Variants in GSTO2 observed in about 807,000 individuals in gnomAD.
GSTO2 encodes glutathione S-transferase omega-2.
Under a neutral mutation model 28.4 loss-of-function variants are expected in GSTO2, and 23 were observed. The ratio of observed to expected loss-of-function variants is 0.81; its 90% CI spans 0.58 to 1.15. GSTO2 has a LOEUF of 1.15. Among genes scored for constraint, GSTO2 ranks in the 50% most tolerant of loss-of-function variants. The pLI, the probability that GSTO2 is intolerant of heterozygous loss-of-function variation, is 0.00. For synonymous variants in GSTO2, 109 were observed against 111.0 expected (o/e 0.98, Z 0.11); for missense variants, 298 against 297.8 (o/e 1.00, Z 0.00).
chr10:104,281,116 C>A (rs2135107794), intron 5 of GSTO2, among the ~76,000 whole-genome samples: 3 of 152,284 alleles, frequency 2.0e-5, no homozygotes, highest in Middle Eastern at 6.8e-3. Flanking sequence ...AATGTGTGTT[C>A]CTCAGAGCCT....
intron 5 of GSTO2, among the ~76,000 whole-genome samples, chr10:104,281,464 C>T (rs1221741079): frequency 6.6e-6 from 1 of 152,102 alleles, no homozygotes; most frequent in Non-Finnish European, 1.5e-5. Context: ...ATCAGTTTCC[C>T]TTCTACCTCC....
In GSTO2 at chr10:104,279,427, A is replaced by G. The variant is rs156697; in HGVS notation, c.424A>G (p.Asn142Asp). 574,153 of 1,612,916 alleles carry G rather than the reference A, an allele frequency of 0.36. 109,695 individuals are homozygous for G. Among genetic ancestry groups the G allele is most frequent in the African/African-American group, 0.75 (56,034 of 74,920 alleles). Residue 142 changes from asparagine (N) to aspartate (D), a missense_variant, in exon 5 of 7, where the codon AAT becomes GAT. Transcript: ENST00000338595. ...GTTGAGATGTGGGAGAGAATGCACT[A>G]ATCTGAAGGCAGCCCTGCGTCAGGA... ...VALRCGRECTNLKAALRQEFS... is the reference protein window; with the variant it reads ...VALRCGRECTDLKAALRQEFS...
At chr10:104,290,991 A>G (rs2012739326) in intron 5 of GSTO2, among the ~76,000 whole-genome samples, 1 of 152,194 alleles carries the variant, frequency 6.6e-6, no homozygotes, top group South Asian at 2.1e-4. Flanking sequence ...CTGGACCAAA[A>G]TATGTACCCC....
chr10:104,292,198 T>C (rs1276941620), intron 5 of GSTO2, among the ~76,000 whole-genome samples: 1 of 150,472 alleles, frequency 6.6e-6, no homozygotes, highest in Non-Finnish European at 1.5e-5. Flanking sequence ...GAATGGCCAA[T>C]ATCTTTTTTT....
rs763192301 is a variant in GSTO2 at position 104,277,928 on chromosome 10, C to T, written c.178C>T (p.Pro60Ser). ...GGTCAACATTAACCTGAGAAACAAG[C>T]CTGAATGGTACTATACAAAGCACCC... ...EVVNINLRNK[P>S]EWYYTKHPFG... is the part of the protein sequence containing the mutation. The change falls in exon 4 of 7, where the codon CCT becomes TCT. Residue 60 changes from proline (P) to serine (S), a missense_variant. Coordinates refer to ENST00000338595, the MANE Select transcript of GSTO2 (RefSeq NM_183239.2). 14 of 1,613,952 alleles carry T rather than the reference C, an allele frequency of 8.7e-6. No homozygotes were observed. The highest frequency in any genetic ancestry group is 1.6e-4 in the Middle Eastern group (1 of 6,062).
chr10:104,278,894 T>C (rs1443989340), intron 4 of GSTO2, among the ~76,000 whole-genome samples: 1 of 152,238 alleles, frequency 6.6e-6, no homozygotes, highest in South Asian at 2.1e-4. Context: ...TTTAAGATGG[T>C]GTCTTTGAAA....
intron 5 of GSTO2, 90 bp downstream of exon 5, chr10:104,279,561 G>A (rs2011887480): frequency 2.5e-6 from 2 of 792,000 alleles, no homozygotes; most frequent in Non-Finnish European, 4.3e-6. Context: ...AGCTTTCACA[G>A]GCTTATTCTT....
chr10:104,289,243 C>T (rs568857103), intron 5 of GSTO2, among the ~76,000 whole-genome samples: 1 of 152,196 alleles, frequency 6.6e-6, no homozygotes, highest in Non-Finnish European at 1.5e-5. Context: ...GGACTACAGG[C>T]ACCACTATGC....
At position 104,279,371 on chromosome 10, in the gene GSTO2, T is replaced by G. The variant is rs756075077; in HGVS notation, c.368T>G (p.Val123Gly). 6.2e-7 allele frequency: 1 copy of G among 1,612,406 alleles called. No individual in the cohort carries two copies. Among genetic ancestry groups the G allele is most frequent in the South Asian group, 1.1e-5 (1 of 91,030 alleles). ...QKMLLELFCK[V>G]PHLTKECLVA... ...TGAGAACCTGTGTCCTCTGATTAGGTCCCACATTTGACCAAGGAGTGCCTG... is the reference window on the plus strand; with the variant it reads ...TGAGAACCTGTGTCCTCTGATTAGGGCCCACATTTGACCAAGGAGTGCCTG... The change falls in exon 5 of 7, where the codon GTC (valine) becomes GGC (glycine). Residue 123 changes from valine (V) to glycine (G), a missense_variant and splice_region_variant. Val to Gly is a moderately radical substitution (Grantham distance 109, BLOSUM62 -3). Transcript: ENST00000338595.
intron 5 of GSTO2, among the ~76,000 whole-genome samples, chr10:104,283,098 CAA>C (rs766815247): frequency 1.4e-4 from 22 of 152,232 alleles, no homozygotes; most frequent in Non-Finnish European, 2.4e-4. Context: ...TTTCTAAACT[CAA>C]GAGCTGGCAA....
rs1157713711 is a variant in GSTO2 at position 104,301,870 on chromosome 10, T to G, written c.*2586T>G. The G allele has an allele frequency of 6.6e-6, 1 of 152,200 alleles. No homozygotes were observed. The highest frequency in any genetic ancestry group is 1.5e-5 in the Non-Finnish European group (1 of 68,056). 9.4% of individuals were successfully genotyped at this position (152,200 alleles called of 1,614,324 possible). A position where few individuals can be genotyped will look rare whatever the true frequency, so the allele number is the denominator to read the frequency against. ...CTGGGATTATAGGTCTGAGTCATCA[T>G]GCCTGGTGGGTGTCTATCTTATAAA... On this transcript the variant is annotated 3_prime_UTR_variant, in exon 7 of 7. Transcript: ENST00000338595.
In GSTO2 at chr10:104,299,400, A is replaced by C. The variant is rs1377821240; in HGVS notation, c.*116A>C. On this transcript the variant is annotated 3_prime_UTR_variant, in exon 7 of 7. Transcript: ENST00000338595. ...TTCTTTTCTTTGAAGTTCCCAATAA[A>C]ATGAAAACAGGAAATGTATTCTTCT... 2.5e-6 allele frequency: 3 copies of C among 1,185,472 alleles called. No individual in the cohort carries two copies. The African/African-American group carries it at 4.6e-5, about 18-fold the overall frequency. 73.4% of individuals were successfully genotyped at this position (1,185,472 alleles called of 1,614,324 possible).
rs925299922 is a variant in GSTO2 at position 104,301,452 on chromosome 10, GC to G, written c.*2169del. On this transcript the variant is annotated 3_prime_UTR_variant, in exon 7 of 7. Coordinates refer to ENST00000338595, the MANE Select transcript of GSTO2 (RefSeq NM_183239.2). ...CTGTTTACCAGGGTCCTGGTCACCTGCACATCCTTACACTTCCTCCATCTCG... is the reference window on the plus strand; with the variant it reads ...CTGTTTACCAGGGTCCTGGTCACCTGACATCCTTACACTTCCTCCATCTCG... 1.3e-5 allele frequency: 2 copies of G among 152,172 alleles called. No homozygotes were observed. The highest frequency in any genetic ancestry group is 2.9e-5 in the Non-Finnish European group (2 of 68,030). 9.4% of individuals were successfully genotyped at this position (152,172 alleles called of 1,614,324 possible).
intron 5 of GSTO2, among the ~76,000 whole-genome samples, chr10:104,283,550 C>T (rs2012215368): frequency 6.6e-6 from 1 of 152,126 alleles, no homozygotes; most frequent in South Asian, 2.1e-4. Context: ...CTTTTGAACC[C>T]AGGAGTTTGA....
intron 4 of GSTO2, among the ~76,000 whole-genome samples, chr10:104,279,129 A>C (rs2011845030): frequency 6.6e-6 from 1 of 152,164 alleles, no homozygotes; most frequent in Admixed American, 6.5e-5. Flanking sequence ...CTGATCAAGT[A>C]AGGAGCACTG....
chr10:104,289,774 C>T (rs1564850587), intron 5 of GSTO2, among the ~76,000 whole-genome samples: 1 of 152,150 alleles, frequency 6.6e-6, no homozygotes, highest in Non-Finnish European at 1.5e-5. Flanking sequence ...CTCCAAAAGA[C>T]TTGAATAGAC....
chr10:104,275,987 A>G (rs2011616458), intron 3 of GSTO2, among the ~76,000 whole-genome samples: 1 of 152,212 alleles, frequency 6.6e-6, no homozygotes, highest in South Asian at 2.1e-4. Context: ...TGCTTCCAAA[A>G]GGAAGTTTGC....
At chr10:104,269,878 G>T (rs2011302377) in intron 1 of GSTO2, among the ~76,000 whole-genome samples, 4 of 152,158 alleles carry the variant, frequency 2.6e-5, no homozygotes, top group African/African-American at 7.2e-5. Flanking sequence ...ATTTGCCCAA[G>T]GTCACCCAGC....
At chr10:104,278,183 C>T in intron 4 of GSTO2, 67 bp downstream of exon 4, 12 of 1,182,960 alleles carry the variant, frequency 1.0e-5, no homozygotes, top group Non-Finnish European at 1.5e-5. Flanking sequence ...AACCTCAACC[C>T]ATTTTAAAGC....
Sources: allele counts gnomAD v4.1 joint callset (sites outside exome capture counted in the v4.1 genomes callset), GRCh38; gene constraint gnomAD v4.1.1; transcripts MANE v1.5; gene names NCBI Gene and HGNC (gene_info 2026-07-23, HGNC 2026-07-21).